The following PPP4R1 variants were observed in gnomAD, a reference collection of about 807,000 sequenced individuals.
PPP4R1 encodes serine/threonine-protein phosphatase 4 regulatory subunit 1.
Under a neutral mutation model 111.2 loss-of-function variants are expected in PPP4R1, and 42 were observed. That is an observed-to-expected ratio of 0.38 (90% CI 0.29 to 0.49). The LOEUF is 0.49. Ranked by LOEUF, PPP4R1 falls within the 20% of genes least tolerant of loss-of-function variation. PPP4R1 has a pLI of 0.97. For synonymous variants in PPP4R1, 409 were observed against 405.5 expected (o/e 1.01, Z -0.10); for missense variants, 1,012 against 1,161.6 (o/e 0.87, Z 1.87).
intron 2 of PPP4R1, chr18:9,599,725 C>A (rs976041818): frequency 5.3e-5 from 8 of 152,192 alleles, no homozygotes; most frequent in Non-Finnish European, 1.0e-4. Context: ...GCTAGCATAA[C>A]CTTGAAGCAC....
chr18:9,558,656 G>T (rs980098418), intron 14 of PPP4R1, among the ~76,000 whole-genome samples: 1 of 149,022 alleles, frequency 6.7e-6, no homozygotes, highest in Admixed American at 6.7e-5. Context: ...AGAAGTTTAA[G>T]GAAAAGTCAT....
intron 10 of PPP4R1, among the ~76,000 whole-genome samples, chr18:9,575,715 C>G (rs1014968755): frequency 1.2e-4 from 18 of 152,278 alleles, no homozygotes; most frequent in Admixed American, 2.0e-4. Flanking sequence ...TGAAGTTTTA[C>G]TGGAACACAG....
rs2067267911 is a variant in PPP4R1 at position 9,594,950 on chromosome 18, A to AT, written c.188+67dup. Reference sequence around the variant, plus strand: ...TACCTCCTTTAAAGTGGATACTTTCATTTTCCCTACTGAAGTTAATAAAAC... The same window carrying AT: ...TACCTCCTTTAAAGTGGATACTTTCATTTTTCCCTACTGAAGTTAATAAAAC... On this transcript the variant is annotated intron_variant, in intron 3 of 19. Coordinates refer to ENST00000400556, the MANE Select transcript of PPP4R1 (RefSeq NM_001042388.3). 2.6e-6 allele frequency: 4 copies of AT among 1,546,542 alleles called. No homozygotes were observed. In the South Asian group the frequency reaches 4.7e-5, roughly 18 times the overall value.
At chr18:9,578,093 T>C (rs2066966792) in intron 9 of PPP4R1, among the ~76,000 whole-genome samples, 1 of 152,240 alleles carries the variant, frequency 6.6e-6, no homozygotes, top group African/African-American at 2.4e-5. Flanking sequence ...TTCTGTATTA[T>C]TTTTAAAATC....
Position 9,588,127 on chromosome 18 carries a change from G to T in PPP4R1, c.547C>A (p.Pro183Thr). 1 of 1,614,058 alleles carries T rather than the reference G, an allele frequency of 6.2e-7. No homozygotes were observed. Among genetic ancestry groups the T allele is most frequent in the East Asian group, 2.2e-5 (1 of 44,876 alleles). The change falls in exon 6 of 20, where the codon CCA becomes ACA. Residue 183 changes from proline (P) to threonine (T), a missense_variant. Transcript: ENST00000400556. ...VCPVLIELTA[P>T]DSNDDVKTEA... ...GTTTTCACATCATCATTGCTATCTG[G>T]GGCTGTCAGCTCTATGAGGACAGGG...
chr18:9,556,360 T>C lies in PPP4R1; in HGVS notation c.2190+861A>G, dbSNP rs1407329413. On this transcript the variant is annotated intron_variant, in intron 15 of 19. Transcript: ENST00000400556. ...GGTGCCTACCACCACGCCCAGCTAA[T>C]TTTTTGTATTTTAGTAAAGACAAGG... Among the ~76,000 whole-genome samples, 4 of 151,638 alleles carry C rather than the reference T, an allele frequency of 2.6e-5. No individual in the cohort carries two copies. The East Asian group carries it at 8.0e-4, about 30-fold the overall frequency.
chr18:9,602,757 GTT>G, intron 2 of PPP4R1, among the ~76,000 whole-genome samples: 1 of 145,288 alleles, frequency 6.9e-6, no homozygotes, highest in Non-Finnish European at 1.5e-5. Flanking sequence ...GGAGAAGGAA[GTT>G]GCAGCGAGCT....
intron 19 of PPP4R1, 130 bp downstream of exon 19, chr18:9,549,067 A>T (rs775676258): frequency 3.4e-6 from 4 of 1,192,764 alleles, no homozygotes; most frequent in Non-Finnish European, 4.8e-6. Context: ...CGGAACAACT[A>T]AAGTATTTCC....
chr18:9,570,058 A>T, intron 11 of PPP4R1, 99 bp downstream of exon 11: 2 of 1,323,362 alleles, frequency 1.5e-6, no homozygotes, highest in Non-Finnish European at 2.0e-6. Flanking sequence ...TCCATAATAC[A>T]TTATTAAATG....
intron 10 of PPP4R1, among the ~76,000 whole-genome samples, chr18:9,572,015 C>T (rs1373834713): frequency 6.6e-6 from 1 of 152,178 alleles, no homozygotes; most frequent in African/African-American, 2.4e-5. Flanking sequence ...GGCAGTGTCT[C>T]CAGGACTACA....
chr18:9,586,905 A>G (rs1348076600), intron 6 of PPP4R1, among the ~76,000 whole-genome samples: 2 of 152,174 alleles, frequency 1.3e-5, no homozygotes, highest in African/African-American at 4.8e-5. Flanking sequence ...AGTAATCAGA[A>G]TATTTGCAAA....
At chr18:9,592,057 G>A (rs1014445702) in intron 4 of PPP4R1, among the ~76,000 whole-genome samples, 12 of 152,148 alleles carry the variant, frequency 7.9e-5, no homozygotes, top group Admixed American at 7.2e-4. Flanking sequence ...GCAACAGAGC[G>A]AGACTCTGTC....
rs1370931312 is a variant in PPP4R1 at position 9,614,235 on chromosome 18, C to T, written c.43G>A (p.Ala15Thr). 2.2e-6 allele frequency: 3 copies of T among 1,365,300 alleles called. No homozygotes were observed. Among genetic ancestry groups the T allele is most frequent in the East Asian group, 6.7e-5 (2 of 29,666 alleles). 84.6% of individuals were successfully genotyped at this position (1,365,300 alleles called of 1,614,324 possible). ...AGGCCGGGCCACTCACATCCGTCTG[C>T]GTCCTCCTGCAGGTCCTCCTGAAGC... Reference protein sequence around the residue: ...SLLQEDLQEDADGFGVDDYSS... With the variant: ...SLLQEDLQEDTDGFGVDDYSS... Residue 15 changes from alanine to threonine, a missense_variant, in exon 2 of 20, where the codon GCA becomes ACA. Ala to Thr is a moderately conservative substitution (Grantham distance 58). This residue lies in a region of PPP4R1 where 707 missense variants were observed against 742.1 expected (regional missense o/e 0.95). Transcript: ENST00000400556. The surrounding 1 kb of genome is among the most constrained non-coding windows in gnomAD (Gnocchi z 4.1).
chr18:9,579,293 A>T (rs924919491), intron 9 of PPP4R1, among the ~76,000 whole-genome samples: 3 of 152,232 alleles, frequency 2.0e-5, no homozygotes, highest in Non-Finnish European at 4.4e-5. Context: ...GAAATAAACA[A>T]CTAATGACTT....
intron 2 of PPP4R1, 148 bp from the exon 3 acceptor site, chr18:9,595,301 A>G: frequency 1.3e-6 from 1 of 778,982 alleles, no homozygotes; most frequent in Non-Finnish European, 2.0e-6. Context: ...GCCACAAATA[A>G]CTAAAAGATA....
chr18:9,572,816 C>T (rs1261354613), intron 10 of PPP4R1, among the ~76,000 whole-genome samples: 3 of 152,202 alleles, frequency 2.0e-5, no homozygotes, highest in Admixed American at 1.3e-4. Context: ...CATCTGAAAA[C>T]ATAACACATT....
At chr18:9,578,863 C>T (rs1394259653) in intron 9 of PPP4R1, among the ~76,000 whole-genome samples, 1 of 152,150 alleles carries the variant, frequency 6.6e-6, no homozygotes, top group Non-Finnish European at 1.5e-5. Flanking sequence ...ACTTTTAACG[C>T]TGTATGCACG....
chr18:9,559,373 G>A, intron 14 of PPP4R1, 46 bp downstream of exon 14: 2 of 1,524,376 alleles, frequency 1.3e-6, no homozygotes, highest in East Asian at 2.3e-5. Flanking sequence ...AAAGCACTGT[G>A]CCTTCCACAT....
intron 9 of PPP4R1, among the ~76,000 whole-genome samples, chr18:9,582,478 C>T (rs1465814480): frequency 6.6e-6 from 1 of 151,916 alleles, no homozygotes; most frequent in Non-Finnish European, 1.5e-5. Flanking sequence ...AAAACTGACT[C>T]AAGAAAAAAA....
Sources: gnomAD v4.1 joint callset for allele counts (sites outside exome capture counted in the v4.1 genomes callset) on GRCh38, gnomAD v4.1.1 for gene constraint, gnomAD v4.1.1 regional missense constraint, Gnocchi (gnomAD v3.1) non-coding constraint, MANE v1.5 for transcripts, NCBI Gene and HGNC (gene_info 2026-07-23, HGNC 2026-07-21) for gene names.